Variants in SCARB1 observed in about 807,000 individuals in gnomAD.
SCARB1 encodes the protein CD36 and LIMPII analogous 1.
SCARB1 carries 30 observed loss-of-function variants against 57.2 expected under a neutral mutation model. The ratio of observed to expected loss-of-function variants is 0.52; its 90% CI spans 0.39 to 0.71. The LOEUF (loss-of-function observed/expected upper bound fraction) is 0.71. Among genes scored for constraint, SCARB1 ranks in the 30% least tolerant of loss-of-function variants. SCARB1 has a pLI of 0.00. For missense variants in SCARB1, 543 were observed against 671.2 expected, an observed-to-expected ratio of 0.81 and a Z score of 2.11; for synonymous variants, 249 against 268.3, an observed-to-expected ratio of 0.93 and a Z score of 0.70.
intron 1 of SCARB1, among the ~76,000 whole-genome samples, chr12:124,852,431 G>A (rs894264842): frequency 1.3e-5 from 2 of 152,174 alleles, no homozygotes; most frequent in Non-Finnish European, 2.9e-5. Context: ...GAGGAGGGAG[G>A]CCCGGAGAAA....
At chr12:124,801,276 TG>T (rs2135599917) in intron 7 of SCARB1, among the ~76,000 whole-genome samples, 1 of 149,412 alleles carries the variant, frequency 6.7e-6, no homozygotes, top group South Asian at 2.1e-4. Flanking sequence ...CAACGGGTGG[TG>T]ACCAGGGGCT....
At chr12:124,804,341 G>A (rs1480206050) in intron 7 of SCARB1, among the ~76,000 whole-genome samples, 1 of 152,260 alleles carries the variant, frequency 6.6e-6, no homozygotes, top group Admixed American at 6.5e-5. Context: ...AGCCTGCTTG[G>A]CAGCAAAGCC....
At chr12:124,791,814 G>A (rs2135562418) in intron 9 of SCARB1, among the ~76,000 whole-genome samples, 1 of 152,210 alleles carries the variant, frequency 6.6e-6, no homozygotes, top group South Asian at 2.1e-4. Flanking sequence ...AAATTTGCTG[G>A]GCGTGGTGGC....
At position 124,858,952 on chromosome 12, in the gene SCARB1, G is replaced by C. The variant is rs535875540; in HGVS notation, c.126+4643C>G. Among the ~76,000 whole-genome samples, 5 of 151,446 alleles carry C rather than the reference G, an allele frequency of 3.3e-5. No homozygotes were observed. In the East Asian group the frequency reaches 9.7e-4, roughly 29 times the overall value. On this transcript the variant is annotated intron_variant, in intron 1 of 12. Transcript: ENST00000261693. The stretch of plus-strand genomic sequence containing the variant: ...TACAGTGGCACAAACACAGCTCACT[G>C]CAGCCTCGAGCTCCTGGGCTCAAGA...
At chr12:124,825,128 G>GGCAGGAGAATCGCTTGAAT (rs1951090318) in intron 1 of SCARB1, among the ~76,000 whole-genome samples, 1 of 150,316 alleles carries the variant, frequency 6.7e-6, no homozygotes, top group Non-Finnish European at 1.5e-5. Context: ...GGGTGGCTGA[G>GGCAGGAGAATCGCTTGAAT]GCAGGAGAAT....
intron 1 of SCARB1, among the ~76,000 whole-genome samples, chr12:124,841,478 T>C (rs1474230968): frequency 7.1e-6 from 1 of 141,334 alleles, no homozygotes; most frequent in Admixed American, 6.9e-5. Context: ...AAAGACTCTG[T>C]CTCAAAAAAA....
intron 2 of SCARB1, 63 bp from the exon 3 acceptor site, chr12:124,815,177 C>T (rs551809854): frequency 1.9e-5 from 30 of 1,581,852 alleles, no homozygotes; most frequent in Non-Finnish European, 2.3e-5. Context: ...CCCTTCTACT[C>T]GCCTGCAATG....
chr12:124,855,985 G>A (rs760521763), intron 1 of SCARB1, among the ~76,000 whole-genome samples: 2 of 152,224 alleles, frequency 1.3e-5, no homozygotes, highest in African/African-American at 2.4e-5. Context: ...GAAACCAAAG[G>A]CCAGGGTAAG....
intron 10 of SCARB1, 22 bp downstream of exon 10, chr12:124,787,384 G>A (rs750812668): frequency 5.0e-6 from 8 of 1,612,128 alleles, no homozygotes; most frequent in African/African-American, 1.3e-5. Context: ...AGCCCCCGAC[G>A]CTGTGCCCAA....
At chr12:124,838,780 T>TTTC (rs1223017301) in intron 1 of SCARB1, among the ~76,000 whole-genome samples, 1 of 147,336 alleles carries the variant, frequency 6.8e-6, no homozygotes, top group Non-Finnish European at 1.5e-5. Context: ...TTAGCCTTTT[T>TTTC]TTTTTTTTTT....
In SCARB1 at chr12:124,837,713, C is replaced by T. The variant is rs150510079; in HGVS notation, c.127-20006G>A. Reference sequence around the variant, plus strand: ...ACGAGCCTGGGCAACATAGTGAGGACCCCCCCTACACACCCACCCACCAAC... The same window carrying T: ...ACGAGCCTGGGCAACATAGTGAGGATCCCCCCTACACACCCACCCACCAAC... On this transcript the variant is annotated intron_variant, in intron 1 of 12. Coordinates refer to ENST00000261693, the MANE Select transcript of SCARB1 (RefSeq NM_005505.5). Among the ~76,000 whole-genome samples, 596 of 149,304 alleles carry T rather than the reference C, an allele frequency of 4.0e-3. 3 individuals are homozygous for T. Among genetic ancestry groups the T allele is most frequent in the Middle Eastern group, 6.9e-3 (2 of 288 alleles).
chr12:124,779,187 G>A (rs1057056623), intron 12 of SCARB1, among the ~76,000 whole-genome samples: 3 of 152,220 alleles, frequency 2.0e-5, no homozygotes, highest in Admixed American at 2.0e-4. Context: ...GGGCTCAGGC[G>A]ATCCTCTCAC....
chr12:124,809,274 T>C (rs1428894940), intron 6 of SCARB1, among the ~76,000 whole-genome samples: 1 of 152,038 alleles, frequency 6.6e-6, no homozygotes, highest in African/African-American at 2.4e-5. Flanking sequence ...GCAACTTTTC[T>C]TTAAGTTTAA....
intron 12 of SCARB1, among the ~76,000 whole-genome samples, chr12:124,782,080 T>C (rs1027076138): frequency 5.3e-5 from 8 of 152,084 alleles, no homozygotes; most frequent in Non-Finnish European, 1.0e-4. Flanking sequence ...TAATTTTTTT[T>C]GTATTTTTAG....
chr12:124,810,147 C>A lies in SCARB1; in HGVS notation c.842+27G>T. On this transcript the variant is annotated intron_variant, in intron 6 of 12. Coordinates refer to ENST00000261693, the MANE Select transcript of SCARB1 (RefSeq NM_005505.5). The surrounding 1 kb of genome is among the most constrained non-coding windows in gnomAD (Gnocchi z 4.0). The stretch of plus-strand genomic sequence containing the variant: ...TTGGCCATGAGCTACCCAGGAAACC[C>A]AGGAGGCCCCGAGTCCCAGTGATTA... The A allele has an allele frequency of 6.6e-7, 1 of 1,509,854 alleles. No individual in the cohort carries two copies. The highest frequency in any genetic ancestry group is 1.1e-5 in the South Asian group (1 of 88,926). The allele number at this position is 1,509,854 out of a possible 1,614,324, so 93.5% of individuals were successfully genotyped here.
At position 124,817,479 on chromosome 12, in the gene SCARB1, C is replaced by T. The variant is rs1486604303; in HGVS notation, c.284+71G>A. 1.1e-5 allele frequency: 17 copies of T among 1,499,092 alleles called. No homozygotes were observed. Among genetic ancestry groups the T allele is most frequent in the East Asian group, 2.3e-5 (1 of 43,560 alleles). The allele number at this position is 1,499,092 out of a possible 1,614,324, so 92.9% of individuals were successfully genotyped here. The stretch of plus-strand genomic sequence containing the variant: ...GGCTCAGTCAGCAGCCTCCCCATCC[C>T]GTCCACTCTGAGACCCCTCCCCTGC... On this transcript the variant is annotated intron_variant, in intron 2 of 12. Transcript: ENST00000261693. The surrounding 1 kb of genome is among the most constrained non-coding windows in gnomAD (Gnocchi z 4.8).
At position 124,791,846 on chromosome 12, in the gene SCARB1, C is replaced by T. The variant is rs181907913; in HGVS notation, c.1202+3349G>A. Among the ~76,000 whole-genome samples the T allele has an allele frequency of 5.2e-4, 79 of 152,008 alleles. 2 individuals are homozygous for T. Among genetic ancestry groups the T allele is most frequent in the African/African-American group, 1.6e-3 (67 of 41,396 alleles). Reference sequence around the variant, plus strand: ...TGGCGGGCACCTGTAATCCCAGCTACGCGGGAGGCTGAGGCAGGAGAATCG... The same window carrying T: ...TGGCGGGCACCTGTAATCCCAGCTATGCGGGAGGCTGAGGCAGGAGAATCG... On this transcript the variant is annotated intron_variant, in intron 9 of 12. Transcript: ENST00000261693.
chr12:124,787,022 C>T (rs760652941), intron 10 of SCARB1, among the ~76,000 whole-genome samples: 10 of 152,192 alleles, frequency 6.6e-5, no homozygotes, highest in Non-Finnish European at 1.5e-4. Context: ...TAAAATAAAA[C>T]AAGCTAGGCC....
chr12:124,862,078 T>C (rs1952924999), intron 1 of SCARB1, among the ~76,000 whole-genome samples: 1 of 152,166 alleles, frequency 6.6e-6, no homozygotes, highest in Non-Finnish European at 1.5e-5. Context: ...ATAGCCCCTC[T>C]AGGGACCCTG....
Sources: gnomAD v4.1 joint callset for allele counts (sites outside exome capture counted in the v4.1 genomes callset) on GRCh38, gnomAD v4.1.1 for gene constraint, Gnocchi (gnomAD v3.1) non-coding constraint, MANE v1.5 for transcripts, NCBI Gene and HGNC (gene_info 2026-07-23, HGNC 2026-07-21) for gene names.